Variants in ARL3 observed in about 807,000 individuals in gnomAD.
ARL3 encodes ARF like GTPase 3.
A neutral mutation model predicts 26.0 loss-of-function variants in ARL3; 9 were observed. That is an observed-to-expected ratio of 0.35 (90% CI 0.21 to 0.60). ARL3 has a LOEUF of 0.60. Ranked by LOEUF, ARL3 falls within the 20% of genes least tolerant of loss-of-function variation. The pLI is 0.78. For missense variants in ARL3, 158 were observed against 215.7 expected (o/e 0.73, Z 1.67); for synonymous variants, 71 against 78.4 (o/e 0.91, Z 0.50).
chr10:102,693,037 T>A (rs1193542049), intron 3 of ARL3, among the ~76,000 whole-genome samples: 1 of 152,236 alleles, frequency 6.6e-6, no homozygotes. Context: ...TGTATTTTTA[T>A]CATTGAACAA....
chr10:102,703,713 G>C (rs1373413875), intron 2 of ARL3, among the ~76,000 whole-genome samples: 1 of 151,934 alleles, frequency 6.6e-6, no homozygotes, highest in Non-Finnish European at 1.5e-5. Flanking sequence ...AAAGTGCTGG[G>C]ATTATGGGCA....
intron 4 of ARL3, among the ~76,000 whole-genome samples, chr10:102,686,323 C>T (rs762104856): frequency 9.9e-5 from 15 of 151,764 alleles, no homozygotes; most frequent in Non-Finnish European, 1.0e-4. Context: ...CCACCCACCT[C>T]GGCCTCCCAA....
Position 102,705,467 on chromosome 10 carries a change from T to G in ARL3, c.26A>C (p.Lys9Thr). Residue 9 changes from lysine (K) to threonine (T), a missense_variant, in exon 2 of 6, where the codon AAG becomes ACG. Physicochemically the swap from Lys to Thr is moderately conservative, Grantham distance 78 (BLOSUM62 -1). Transcript: ENST00000260746. ...CTCCTGGTCTGGTGCACTTTTCAACTTGCGCAAAATTGAGAGCAAGCCCTT... is the reference window on the plus strand; with the variant it reads ...CTCCTGGTCTGGTGCACTTTTCAACGTGCGCAAAATTGAGAGCAAGCCCTT... MGLLSILR[K>T]LKSAPDQEVR... 6.3e-7 allele frequency: 1 copy of G among 1,599,018 alleles called. No individual in the cohort carries two copies. Among genetic ancestry groups the G allele is most frequent in the Non-Finnish European group, 8.6e-7 (1 of 1,167,862 alleles).
Position 102,676,770 on chromosome 10 carries a change from C to A in ARL3, c.*124G>T. On this transcript the variant is annotated 3_prime_UTR_variant, in exon 6 of 6. Transcript: ENST00000260746. ...GGGATTCTTTCTAAACCGTGTTGTT[C>A]CCTCTCTTCAAACAGCTGGAGCTGT... 1.0e-6 allele frequency: 1 copy of A among 956,466 alleles called. No individual in the cohort carries two copies. Among genetic ancestry groups the A allele is most frequent in the Non-Finnish European group, 1.6e-6 (1 of 615,046 alleles). The allele number at this position is 956,466 out of a possible 1,614,324, so 59.2% of individuals were successfully genotyped here. A position where few individuals can be genotyped will look rare whatever the true frequency, so the allele number is the denominator to read the frequency against.
chr10:102,674,452 A>C lies in ARL3; in HGVS notation c.*2442T>G, dbSNP rs1043450. Reference sequence around the variant, plus strand: ...TTTTTCCCACAACTGGCTTGAGCACATATCACGAGCACCCCCCAGGCCTTG... The same window carrying C: ...TTTTTCCCACAACTGGCTTGAGCACCTATCACGAGCACCCCCCAGGCCTTG... On this transcript the variant is annotated 3_prime_UTR_variant, in exon 6 of 6. Transcript: ENST00000260746. 6.6e-6 allele frequency: 1 copy of C among 152,058 alleles called. No homozygotes were observed. Among genetic ancestry groups the C allele is most frequent in the Non-Finnish European group, 1.5e-5 (1 of 68,024 alleles). The allele number at this position is 152,058 out of a possible 1,614,324, so 9.4% of individuals were successfully genotyped here. A position where few individuals can be genotyped will look rare whatever the true frequency, so the allele number is the denominator to read the frequency against.
Position 102,685,866 on chromosome 10 carries a change from G to T in ARL3, c.451C>A (p.Arg151=), listed in dbSNP as rs1177720492. 6.2e-7 allele frequency: 1 copy of T among 1,614,060 alleles called. No homozygotes were observed. Among genetic ancestry groups the T allele is most frequent in the Admixed American group, 1.7e-5 (1 of 60,002 alleles). Residue 151 remains arginine, a synonymous_variant, in exon 5 of 6, where the codon CGA becomes AGA. Coordinates refer to ENST00000260746, the MANE Select transcript of ARL3 (RefSeq NM_004311.4). ...EGLNLHTIRD[R]VWQIQSCSAL... The stretch of plus-strand genomic sequence containing the variant: ...GAGCAAGACTGGATCTGCCAGACTC[G>T]GTCGCGGATGGTATGCAGGTTCAGT...
At chr10:102,700,625 C>T (rs531891837) in intron 2 of ARL3, among the ~76,000 whole-genome samples, 155 of 148,370 alleles carry the variant, frequency 1.0e-3, no homozygotes, top group African/African-American at 3.6e-3. Flanking sequence ...CCACCACACC[C>T]GGCTAATTTT....
intron 3 of ARL3, among the ~76,000 whole-genome samples, chr10:102,691,214 T>C (rs1488629404): frequency 6.6e-6 from 1 of 151,820 alleles, no homozygotes; most frequent in African/African-American, 2.4e-5. Flanking sequence ...GCTGGTGCGC[T>C]GCACCCACTA....
chr10:102,688,327 C>G (rs571462462), intron 4 of ARL3, among the ~76,000 whole-genome samples: 1 of 152,156 alleles, frequency 6.6e-6, no homozygotes, highest in East Asian at 1.9e-4. Context: ...GAGTGATAAT[C>G]CAGAAATCAT....
intron 4 of ARL3, among the ~76,000 whole-genome samples, chr10:102,688,652 C>A (rs1159671163): frequency 5.3e-5 from 8 of 151,950 alleles, no homozygotes. Context: ...CAGGCACGTG[C>A]CACCACACCT....
intron 4 of ARL3, among the ~76,000 whole-genome samples, chr10:102,689,186 G>A (rs756933357): frequency 9.2e-5 from 14 of 151,908 alleles, no homozygotes; most frequent in African/African-American, 1.5e-4. Context: ...TTAGCCGGGC[G>A]TGGTGGCGCA....
chr10:102,713,454 A>C (rs904314987), intron 1 of ARL3, among the ~76,000 whole-genome samples: 2 of 152,198 alleles, frequency 1.3e-5, no homozygotes, highest in Non-Finnish European at 2.9e-5. Context: ...TGGAGAACTC[A>C]AGCTAGGATT....
Position 102,714,381 on chromosome 10 carries a change from G to T in ARL3, c.-106C>A, listed in dbSNP as rs955134330. ...GACGTCCCTCGCACGCACAGCTGAG[G>T]AGCTGAGCAGCAATACGGGGCGGGG... is the stretch of plus-strand genomic sequence containing the variant. On this transcript the variant is annotated 5_prime_UTR_variant, in exon 1 of 6. Transcript: ENST00000260746. The T allele has an allele frequency of 2.6e-6, 3 of 1,162,214 alleles. No individual in the cohort carries two copies. Among genetic ancestry groups the T allele is most frequent in the Admixed American group, 4.1e-5 (1 of 24,236 alleles). The allele number at this position is 1,162,214 out of a possible 1,614,324, so 72.0% of individuals were successfully genotyped here. A position where few individuals can be genotyped will look rare whatever the true frequency, so the allele number is the denominator to read the frequency against.
chr10:102,713,097 ACTT>A (rs2064356267), intron 1 of ARL3, among the ~76,000 whole-genome samples: 2 of 72,220 alleles, frequency 2.8e-5, no homozygotes, highest in African/African-American at 1.1e-4. Flanking sequence ...TTTTTTTTTT[ACTT>A]CTTAAATCAA....
chr10:102,675,146 G>A lies in ARL3; in HGVS notation c.*1748C>T, dbSNP rs1163421677. Reference sequence around the variant, plus strand: ...CCTCTGTAAGGGAGAGCTTGGGTGAGCCAGAGAAGCCAGTGGAGGAGGCTG... The same window carrying A: ...CCTCTGTAAGGGAGAGCTTGGGTGAACCAGAGAAGCCAGTGGAGGAGGCTG... On this transcript the variant is annotated 3_prime_UTR_variant, in exon 6 of 6. Coordinates refer to ENST00000260746, the MANE Select transcript of ARL3 (RefSeq NM_004311.4). 1 of 152,258 alleles carries A rather than the reference G, an allele frequency of 6.6e-6. No homozygotes were observed. Among genetic ancestry groups the A allele is most frequent in the Admixed American group, 6.5e-5 (1 of 15,286 alleles). The allele number at this position is 152,258 out of a possible 1,614,324, so 9.4% of individuals were successfully genotyped here.
chr10:102,707,998 C>T (rs1590128879), intron 1 of ARL3, among the ~76,000 whole-genome samples: 2 of 152,140 alleles, frequency 1.3e-5, no homozygotes, highest in Middle Eastern at 3.4e-3. Context: ...ACTGCAGCTT[C>T]GACTCCCTGG....
Position 102,690,057 on chromosome 10 carries a change from C to T in ARL3, c.265-114G>A, listed in dbSNP as rs945907199. 18 of 578,536 alleles carry T rather than the reference C, an allele frequency of 3.1e-5. No homozygotes were observed. In the African/African-American group the frequency reaches 3.2e-4, roughly 10 times the overall value. 35.8% of individuals were successfully genotyped at this position (578,536 alleles called of 1,614,324 possible). ...AGCATATTCCAATTAGCACAACATA[C>T]AGAAATTGACTGGTGAGTCTCATCT... On this transcript the variant is annotated intron_variant, in intron 3 of 5. Transcript: ENST00000260746.
intron 2 of ARL3, among the ~76,000 whole-genome samples, chr10:102,702,487 A>G (rs1379466847): frequency 6.6e-6 from 1 of 152,168 alleles, no homozygotes; most frequent in Non-Finnish European, 1.5e-5. Flanking sequence ...TTGACACAAT[A>G]TAATATCAGA....
At position 102,699,301 on chromosome 10, in the gene ARL3, A is replaced by G. The variant is rs948073521; in HGVS notation, c.264+72T>C. The G allele has an allele frequency of 1.9e-5, 17 of 891,526 alleles. No individual in the cohort carries two copies. The African/African-American group carries it at 3.1e-4, about 16-fold the overall frequency. The allele number at this position is 891,526 out of a possible 1,614,324, so 55.2% of individuals were successfully genotyped here. ...GTGGTGGAATTACTGACAAGAAAGA[A>G]TGTTACAGTGTCCATGTTTCTAACA... is the stretch of plus-strand genomic sequence containing the variant. On this transcript the variant is annotated intron_variant, in intron 3 of 5. Transcript: ENST00000260746.
Sources: allele counts gnomAD v4.1 joint callset (sites outside exome capture counted in the v4.1 genomes callset), GRCh38; gene constraint gnomAD v4.1.1; transcripts MANE v1.5; gene names NCBI Gene and HGNC (gene_info 2026-07-23, HGNC 2026-07-21).